The following ASTN2 variants were observed in gnomAD, a reference collection of about 807,000 sequenced individuals.
ASTN2 encodes the protein astrotactin-2.
A neutral mutation model predicts 139.8 loss-of-function variants in ASTN2; 54 were observed. That is an observed-to-expected ratio of 0.39 (90% CI 0.31 to 0.48). ASTN2 has a LOEUF of 0.48. Among genes scored for constraint, ASTN2 ranks in the 20% least tolerant of loss-of-function variants. ASTN2 has a pLI of 0.95. For missense variants in ASTN2, 1,565 were observed against 1,725.1 expected, an observed-to-expected ratio of 0.91 and a Z score of 1.64; for synonymous variants, 756 against 719.5, an observed-to-expected ratio of 1.05 and a Z score of -0.81.
chr9:116,640,284 C>G (rs1866955), intron 17 of ASTN2, among the ~76,000 whole-genome samples: 21,702 of 152,014 alleles, frequency 0.14, 1,642 homozygotes, highest in Middle Eastern at 0.2. Context: ...TCCTCATAAA[C>G]TCTGTTATGA....
At chr9:116,903,754 TA>T (rs1834081949) in intron 10 of ASTN2, among the ~76,000 whole-genome samples, 1 of 151,958 alleles carries the variant, frequency 6.6e-6, no homozygotes, top group African/African-American at 2.4e-5. Flanking sequence ...GCTGTATTAA[TA>T]GTTTGACATT....
rs1507904 is a variant in ASTN2 at position 116,423,218 on chromosome 9, T to G, written c.*2633A>C. 6.6e-6 allele frequency among the ~76,000 whole-genome samples: 1 copy of G among 152,060 alleles called. No homozygotes were observed. The highest frequency in any genetic ancestry group is 6.5e-5 in the Admixed American group (1 of 15,278). ...CACAGTATTATGCATATTGTCTCCA[T>G]CAGGAGAAAAAATAAAAAATAAAAT... On this transcript the variant is annotated 3_prime_UTR_variant, in exon 23 of 23. Coordinates refer to ENST00000313400, the MANE Select transcript of ASTN2 (RefSeq NM_001365068.1).
At chr9:117,141,748 G>C (rs1377406997) in intron 3 of ASTN2, among the ~76,000 whole-genome samples, 1 of 152,208 alleles carries the variant, frequency 6.6e-6, no homozygotes, top group Non-Finnish European at 1.5e-5. Flanking sequence ...AGACTAGAGG[G>C]CTTGGTCGTG....
chr9:116,617,159 G>C (rs1855899701), intron 19 of ASTN2, among the ~76,000 whole-genome samples: 1 of 152,052 alleles, frequency 6.6e-6, no homozygotes, highest in Non-Finnish European at 1.5e-5. Context: ...CATAATCTGG[G>C]CTTTTCTTTT....
intron 20 of ASTN2, among the ~76,000 whole-genome samples, chr9:116,442,841 G>A (rs1002912710): frequency 6.6e-6 from 1 of 152,150 alleles, no homozygotes; most frequent in African/African-American, 2.4e-5. Flanking sequence ...TGGGGGTATT[G>A]AACTCATGCA....
In ASTN2 at chr9:116,425,379, A is replaced by G. The variant is rs1420970411; in HGVS notation, c.*472T>C. The G allele has an allele frequency of 1.6e-6, 1 of 620,696 alleles. No homozygotes were observed. The highest frequency in any genetic ancestry group is 2.9e-6 in the Non-Finnish European group (1 of 347,492). The allele number at this position is 620,696 out of a possible 1,614,324, so 38.4% of individuals were successfully genotyped here. A position where few individuals can be genotyped will look rare whatever the true frequency, so the allele number is the denominator to read the frequency against. ...TAAAGACCCATGCTTCCTCACTGCA[A>G]CCATCCTCAGAGCTTCCTTCCTGGT... On this transcript the variant is annotated 3_prime_UTR_variant, in exon 23 of 23. Transcript: ENST00000313400.
chr9:117,070,886 T>C (rs1828100282), intron 5 of ASTN2, among the ~76,000 whole-genome samples: 2 of 149,292 alleles, frequency 1.3e-5, no homozygotes, highest in Admixed American at 6.6e-5. Flanking sequence ...CTTCTCTGTA[T>C]TGGTTATTCT....
chr9:116,697,644 G>A (rs537362342), intron 16 of ASTN2: 1 of 1,451,098 alleles, frequency 6.9e-7, no homozygotes, highest in Non-Finnish European at 9.5e-7. Flanking sequence ...ATGAATAATG[G>A]TTTCTTTTTC....
chr9:117,376,300 C>T (rs1420650869), intron 1 of ASTN2, among the ~76,000 whole-genome samples: 1 of 152,168 alleles, frequency 6.6e-6, no homozygotes, highest in Non-Finnish European at 1.5e-5. Flanking sequence ...AGATAGGAAT[C>T]TGAACCCAAA....
chr9:116,970,878 A>ACT (rs1166414519), intron 10 of ASTN2, among the ~76,000 whole-genome samples: 2 of 152,222 alleles, frequency 1.3e-5, no homozygotes, highest in Non-Finnish European at 2.9e-5. Flanking sequence ...TATTATTCCA[A>ACT]CTATAATAGC....
chr9:116,885,321 A>T (rs1833567537), intron 10 of ASTN2, among the ~76,000 whole-genome samples: 1 of 152,170 alleles, frequency 6.6e-6, no homozygotes, highest in African/African-American at 2.4e-5. Flanking sequence ...AAAATATTAA[A>T]GGTACCCCAT....
intron 10 of ASTN2, among the ~76,000 whole-genome samples, chr9:116,963,315 G>T (rs1433755564): frequency 6.6e-6 from 1 of 152,150 alleles, no homozygotes; most frequent in Non-Finnish European, 1.5e-5. Flanking sequence ...GAGAGCACTG[G>T]CAAAGGCAAG....
intron 17 of ASTN2, among the ~76,000 whole-genome samples, chr9:116,640,562 C>A (rs146974113): frequency 6.6e-6 from 1 of 152,252 alleles, no homozygotes; most frequent in East Asian, 1.9e-4. Context: ...GTCTCTTTGG[C>A]AGGACAGAGC....
At chr9:117,331,874 C>T (rs978486383) in intron 1 of ASTN2, among the ~76,000 whole-genome samples, 1 of 152,192 alleles carries the variant, frequency 6.6e-6, no homozygotes, top group Non-Finnish European at 1.5e-5. Context: ...TAATTACCTT[C>T]CTCTTTCTAC....
chr9:116,593,005 TG>T (rs1399010961), intron 19 of ASTN2, among the ~76,000 whole-genome samples: 1 of 152,204 alleles, frequency 6.6e-6, no homozygotes, highest in East Asian at 1.9e-4. Context: ...GCCTTGCAAA[TG>T]GACTCAGCAG....
intron 13 of ASTN2, among the ~76,000 whole-genome samples, chr9:116,777,847 TTTTTG>T (rs1185489189): frequency 7.7e-6 from 1 of 129,484 alleles, no homozygotes; most frequent in Non-Finnish European, 1.6e-5. Context: ...TTTTTTTTGT[TTTTTG>T]TTTTGTTTTG....
rs1342502049 is a variant in ASTN2, at chr9:117,122,395, T to C, written c.1168+18931A>G. Among the ~76,000 whole-genome samples, 3 of 151,714 alleles carry C rather than the reference T, an allele frequency of 2.0e-5. No homozygotes were observed. In the East Asian group the frequency reaches 5.8e-4, roughly 29 times the overall value. ...AGCAGATGGCCCAGGTCCCATAGCA[T>C]CCACCACAATTGCACTAGTGCCTCT... On this transcript the variant is annotated intron_variant, in intron 4 of 22. Transcript: ENST00000313400.
intron 19 of ASTN2, among the ~76,000 whole-genome samples, chr9:116,592,855 A>G (rs1885241): frequency 0.94 from 142,413 of 152,260 alleles, 66,642 homozygotes; most frequent in East Asian, 0.96. Context: ...CCTACAACCC[A>G]TTCATGGATC....
chr9:116,696,091 A>ATTCCTGCTTTGATCATATCATC, intron 16 of ASTN2, among the ~76,000 whole-genome samples: 2 of 152,070 alleles, frequency 1.3e-5, no homozygotes, highest in African/African-American at 2.4e-5. Context: ...TCCCCACTCC[A>ATTCCTGCTTTGATCATATCATC]TTCCTGCTTT....
Sources: allele counts gnomAD v4.1 joint callset (sites outside exome capture counted in the v4.1 genomes callset), GRCh38; gene constraint gnomAD v4.1.1; transcripts MANE v1.5; gene names NCBI Gene and HGNC (gene_info 2026-07-23, HGNC 2026-07-21).